Variants in TCF4 observed in about 807,000 individuals in gnomAD.
TCF4 encodes the protein transcription factor 4, also known as SL3-3 enhancer factor 2.
In TCF4, 3 loss-of-function variants were observed where a neutral mutation model predicts 82.1. The observed-to-expected ratio is 0.04, with a 90% CI of 0.02 to 0.09. TCF4 has a LOEUF of 0.09. Ranked by LOEUF, TCF4 falls within the 10% of genes least tolerant of loss-of-function variation. The pLI is 1.00. For missense variants in TCF4, 518 were observed against 852.7 expected, an observed-to-expected ratio of 0.61 and a Z score of 4.89; for synonymous variants, 276 against 309.6, an observed-to-expected ratio of 0.89 and a Z score of 1.14.
intron 3 of TCF4, among the ~76,000 whole-genome samples, chr18:55,486,862 T>G (rs1191877622): frequency 6.6e-6 from 1 of 152,168 alleles, no homozygotes; most frequent in Non-Finnish European, 1.5e-5. Flanking sequence ...CCTCACTCAA[T>G]GTAACTAACT....
chr18:55,554,739 T>C (rs890124178), intron 3 of TCF4, among the ~76,000 whole-genome samples: 5 of 152,222 alleles, frequency 3.3e-5, no homozygotes, highest in African/African-American at 1.2e-4. Context: ...TGGCATCACC[T>C]GGAATTTAAA....
chr18:55,586,036 G>A lies in TCF4; in HGVS notation c.73-684C>T, dbSNP rs925057882. The A allele has an allele frequency of 4.0e-5, 55 of 1,376,176 alleles. 1 individual carries two copies. In the African/African-American group the frequency reaches 6.2e-4, roughly 16 times the overall value. 85.2% of individuals were successfully genotyped at this position (1,376,176 alleles called of 1,614,324 possible). A position where few individuals can be genotyped will look rare whatever the true frequency, so the allele number is the denominator to read the frequency against. On this transcript the variant is annotated intron_variant, in intron 2 of 19. Coordinates refer to ENST00000354452, the MANE Select transcript of TCF4 (RefSeq NM_001083962.2). The stretch of plus-strand genomic sequence containing the variant: ...ATGGAGAAAGTGCAACAAGCAGAAA[G>A]GGGGCTGCAAAGCTGCCTGCCTAGG...
intron 8 of TCF4, among the ~76,000 whole-genome samples, chr18:55,302,900 G>A (rs1260634944): frequency 2.0e-5 from 3 of 152,032 alleles, no homozygotes; most frequent in Admixed American, 6.6e-5. Context: ...TTCAGTTTGG[G>A]GCAATGCATT....
intron 15 of TCF4, among the ~76,000 whole-genome samples, chr18:55,243,594 T>C (rs1375848077): frequency 6.6e-6 from 1 of 151,828 alleles, no homozygotes; most frequent in African/African-American, 2.4e-5. Context: ...CGTTTTTTGT[T>C]TGTTTGTTTG....
intron 15 of TCF4, among the ~76,000 whole-genome samples, chr18:55,253,722 A>G (rs2055959828): frequency 6.6e-6 from 1 of 152,162 alleles, no homozygotes; most frequent in African/African-American, 2.4e-5. Context: ...AAATAAACAT[A>G]CCATATATTT....
chr18:55,316,842 C>A (rs113902080), intron 8 of TCF4, among the ~76,000 whole-genome samples: 1 of 152,046 alleles, frequency 6.6e-6, no homozygotes, highest in Admixed American at 6.6e-5. Context: ...AATGCCATCA[C>A]CCAGCGACAG....
intron 3 of TCF4, among the ~76,000 whole-genome samples, chr18:55,508,665 C>T (rs933702805): frequency 6.6e-6 from 1 of 152,102 alleles, no homozygotes; most frequent in African/African-American, 2.4e-5. Context: ...GATTTAGAGC[C>T]AGAATCCATG....
chr18:55,541,292 G>A (rs1009764223), intron 3 of TCF4, among the ~76,000 whole-genome samples: 1 of 151,908 alleles, frequency 6.6e-6, no homozygotes, highest in Non-Finnish European at 1.5e-5. Flanking sequence ...TGTTATCCTA[G>A]TTCAGCTAGT....
intron 2 of TCF4, among the ~76,000 whole-genome samples, chr18:55,620,982 A>G (rs1316957864): frequency 6.6e-6 from 1 of 152,098 alleles, no homozygotes; most frequent in African/African-American, 2.4e-5. Context: ...TATTGTTGAT[A>G]GAGTGGGCCA....
At chr18:55,345,275 GAAGAT>G (rs1391536248) in intron 8 of TCF4, among the ~76,000 whole-genome samples, 2 of 144,874 alleles carry the variant, frequency 1.4e-5, no homozygotes, top group African/African-American at 2.6e-5. Context: ...GTGTAATAGA[GAAGAT>G]AAGATTGGTT....
At chr18:55,488,253 T>C (rs1460804001) in intron 3 of TCF4, among the ~76,000 whole-genome samples, 1 of 152,200 alleles carries the variant, frequency 6.6e-6, no homozygotes, top group Non-Finnish European at 1.5e-5. Context: ...CACACATACA[T>C]TCCGTTTTGG....
chr18:55,396,226 G>A (rs887842437), intron 6 of TCF4, among the ~76,000 whole-genome samples: 2 of 152,194 alleles, frequency 1.3e-5, no homozygotes, highest in Admixed American at 1.3e-4. Flanking sequence ...AGAGTTCAGA[G>A]TCTGGCTCTG....
chr18:55,356,777 T>G (rs1018055292), intron 6 of TCF4, among the ~76,000 whole-genome samples: 14 of 152,292 alleles, frequency 9.2e-5, no homozygotes, highest in Middle Eastern at 6.8e-3. Context: ...AATCTTTTAC[T>G]TCTCCATGAC....
intron 8 of TCF4, among the ~76,000 whole-genome samples, chr18:55,291,637 A>G (rs2065116478): frequency 6.6e-6 from 1 of 152,206 alleles, no homozygotes; most frequent in Admixed American, 6.5e-5. Context: ...TGAAAAAAAT[A>G]AGTATGCAAG....
intron 5 of TCF4, among the ~76,000 whole-genome samples, chr18:55,450,257 T>C (rs766171724): frequency 1.3e-5 from 2 of 152,194 alleles, no homozygotes; most frequent in Non-Finnish European, 2.9e-5. Context: ...AAATGTTTTA[T>C]CTTAAACATA....
intron 3 of TCF4, among the ~76,000 whole-genome samples, chr18:55,541,215 T>G (rs2097162521): frequency 6.6e-6 from 1 of 152,016 alleles, no homozygotes; most frequent in African/African-American, 2.4e-5. Context: ...CACATGGCAT[T>G]TTATACTGCA....
chr18:55,359,916 T>A (rs992107334), intron 6 of TCF4, among the ~76,000 whole-genome samples: 4 of 152,228 alleles, frequency 2.6e-5, no homozygotes, highest in Non-Finnish European at 5.9e-5. Flanking sequence ...TTCTTATCTA[T>A]GACAGGTTTG....
intron 1 of TCF4, among the ~76,000 whole-genome samples, chr18:55,634,291 A>C (rs946287588): frequency 4.7e-5 from 7 of 148,672 alleles, no homozygotes; most frequent in African/African-American, 1.7e-4. Context: ...AAACAAAAAC[A>C]AAAAAAAAAA....
At chr18:55,563,233 T>A (rs1190471394) in intron 3 of TCF4, among the ~76,000 whole-genome samples, 5 of 135,002 alleles carry the variant, frequency 3.7e-5, no homozygotes, top group African/African-American at 1.1e-4. Context: ...AGTGAGACCC[T>A]GTCTCAAAAA....
Sources: allele counts gnomAD v4.1 joint callset (sites outside exome capture counted in the v4.1 genomes callset), GRCh38; gene constraint gnomAD v4.1.1; transcripts MANE v1.5; gene names NCBI Gene and HGNC (gene_info 2026-07-23, HGNC 2026-07-21).